The following PCDHA4 variants were observed in gnomAD, a reference collection of about 807,000 sequenced individuals.
PCDHA4 encodes the protein protocadherin alpha-4.
Under a neutral mutation model 61.4 loss-of-function variants are expected in PCDHA4, and 49 were observed. That is an observed-to-expected ratio of 0.80 (90% CI 0.63 to 1.01). The LOEUF (loss-of-function observed/expected upper bound fraction) is 1.01. PCDHA4 is among the 50% of genes least tolerant of loss of function. The pLI is 0.00. For missense variants in PCDHA4, 1,254 were observed against 1,235.8 expected, an observed-to-expected ratio of 1.01 and a Z score of -0.22; for synonymous variants, 590 against 550.3, an observed-to-expected ratio of 1.07 and a Z score of -1.01.
At chr5:140,964,213 A>G (rs1338010666) in intron 1 of PCDHA4, among the ~76,000 whole-genome samples, 10 of 152,210 alleles carry the variant, frequency 6.6e-5, no homozygotes, top group African/African-American at 1.9e-4. Flanking sequence ...CTTTAGTACA[A>G]TGTCTTTCAA....
At chr5:140,900,776 G>A (rs1407126944) in intron 1 of PCDHA4, among the ~76,000 whole-genome samples, 1 of 152,172 alleles carries the variant, frequency 6.6e-6, no homozygotes, top group Non-Finnish European at 1.5e-5. Flanking sequence ...GCTTTTTGAG[G>A]AAACTCCAAA....
In PCDHA4 at chr5:140,966,999, G is replaced by A. The variant is rs782081862; in HGVS notation, c.2386-11950G>A. 115 of 1,604,458 alleles carry A rather than the reference G, an allele frequency of 7.2e-5. No homozygotes were observed. The highest frequency in any genetic ancestry group is 8.8e-5 in the Non-Finnish European group (104 of 1,177,324). ...CGGCGCTTGGGGCCGGGTTGCTTGC[G>A]CATCAACCATCTGGGTGCGCCCAGT... On this transcript the variant is annotated intron_variant, in intron 1 of 3. Transcript: ENST00000530339.
chr5:140,835,535 G>A, intron 1 of PCDHA4: 3 of 1,613,958 alleles, frequency 1.9e-6, no homozygotes, highest in Non-Finnish European at 2.5e-6. Flanking sequence ...TCAACGGACA[G>A]GTTACCTGCT....
intron 1 of PCDHA4, chr5:140,969,220 G>A (rs2096308533): frequency 6.2e-7 from 1 of 1,614,084 alleles, no homozygotes; most frequent in African/African-American, 1.3e-5. Flanking sequence ...CAGGACCAGG[G>A]CCTTCGGGAG....
intron 1 of PCDHA4, among the ~76,000 whole-genome samples, chr5:140,840,447 C>T (rs1442089035): frequency 1.3e-5 from 2 of 151,740 alleles, no homozygotes; most frequent in East Asian, 1.9e-4. Flanking sequence ...GAAATAGAAA[C>T]GTTAAATAAA....
At chr5:140,912,897 G>T (rs782442093) in intron 1 of PCDHA4, among the ~76,000 whole-genome samples, 1 of 152,290 alleles carries the variant, frequency 6.6e-6, no homozygotes, top group East Asian at 1.9e-4. Context: ...TTGATATGAT[G>T]TATCATATTG....
intron 1 of PCDHA4, chr5:140,869,665 C>G: frequency 6.2e-7 from 1 of 1,613,338 alleles, no homozygotes; most frequent in Non-Finnish European, 8.5e-7. Flanking sequence ...AAATGGTAAG[C>G]AGATTAAAAG....
intron 3 of PCDHA4, among the ~76,000 whole-genome samples, chr5:141,006,484 A>T (rs1028996250): frequency 9.9e-5 from 15 of 152,130 alleles, no homozygotes; most frequent in Non-Finnish European, 7.4e-5. Flanking sequence ...AAGTGCTGGG[A>T]TTACATGTGT....
In PCDHA4 at chr5:140,884,801, A is replaced by AT. The variant is rs2060359948; in HGVS notation, c.2385+75229_2385+75230insT. 5 of 1,250,206 alleles carry AT rather than the reference A, an allele frequency of 4.0e-6. No individual in the cohort carries two copies. In the South Asian group the frequency reaches 8.8e-5, roughly 22 times the overall value. 77.4% of individuals were successfully genotyped at this position (1,250,206 alleles called of 1,614,324 possible). A position where few individuals can be genotyped will look rare whatever the true frequency, so the allele number is the denominator to read the frequency against. On this transcript the variant is annotated intron_variant, in intron 1 of 3. Coordinates refer to ENST00000530339, the MANE Select transcript of PCDHA4 (RefSeq NM_018907.4). ...TTTGCTAGTTGTTATCGAATTTAACAACTCTGCTGTGGACATTATGTGTTG... is the reference window on the plus strand; with the variant it reads ...TTTGCTAGTTGTTATCGAATTTAACATACTCTGCTGTGGACATTATGTGTTG...
intron 2 of PCDHA4, among the ~76,000 whole-genome samples, chr5:140,981,648 C>T (rs1294806137): frequency 6.6e-6 from 1 of 152,020 alleles, no homozygotes; most frequent in Non-Finnish European, 1.5e-5. Context: ...TCTTAGGATC[C>T]CACTTATTTC....
chr5:140,944,807 A>T (rs1472832230), intron 1 of PCDHA4, among the ~76,000 whole-genome samples: 1 of 152,214 alleles, frequency 6.6e-6, no homozygotes, highest in Non-Finnish European at 1.5e-5. Context: ...TCGAGGGTCC[A>T]CAGTGATCTT....
intron 1 of PCDHA4, among the ~76,000 whole-genome samples, chr5:140,899,105 T>G (rs2153462801): frequency 6.6e-6 from 1 of 152,160 alleles, no homozygotes; most frequent in Non-Finnish European, 1.5e-5. Flanking sequence ...GATAATGGGG[T>G]TTTCTAGATA....
rs2150220427 is a variant in PCDHA4 at position 140,834,530 on chromosome 5, G to T, written c.2385+24958G>T. 6.8e-6 allele frequency: 11 copies of T among 1,614,068 alleles called. No individual in the cohort carries two copies. In the South Asian group the frequency reaches 1.1e-4, roughly 16 times the overall value. ...ATGGCAACTTCGTGGGCCGCATCGC[G>T]CAGGACCTGGGGCTGGAGCTGGCGG... is the stretch of plus-strand genomic sequence containing the variant. On this transcript the variant is annotated intron_variant, in intron 1 of 3. Coordinates refer to ENST00000530339, the MANE Select transcript of PCDHA4 (RefSeq NM_018907.4).
In PCDHA4 at chr5:140,870,216, C is replaced by G. The variant is rs1554163914; in HGVS notation, c.2385+60644C>G. On this transcript the variant is annotated intron_variant, in intron 1 of 3. Transcript: ENST00000530339. Reference sequence around the variant, plus strand: ...AGCCCAGCACGGTCATTGCCCTGATCAGCGTGTCTGACCGTGACTCAGGTG... The same window carrying G: ...AGCCCAGCACGGTCATTGCCCTGATGAGCGTGTCTGACCGTGACTCAGGTG... 3 of 1,614,070 alleles carry G rather than the reference C, an allele frequency of 1.9e-6. No homozygotes were observed. Among genetic ancestry groups the G allele is most frequent in the Admixed American group, 3.3e-5 (2 of 60,012 alleles).
chr5:140,973,493 C>T (rs1050229284), intron 1 of PCDHA4, among the ~76,000 whole-genome samples: 1 of 152,116 alleles, frequency 6.6e-6, no homozygotes, highest in African/African-American at 2.4e-5. Context: ...TCACAGGACT[C>T]TTCTTCTGAG....
chr5:140,870,919 C>T (rs1562653740), intron 1 of PCDHA4: 1 of 1,613,952 alleles, frequency 6.2e-7, no homozygotes, highest in Non-Finnish European at 8.5e-7. Context: ...CAACGCGTGG[C>T]TTTCATATGA....
intron 1 of PCDHA4, among the ~76,000 whole-genome samples, chr5:140,911,647 G>A (rs1554194849): frequency 2.0e-5 from 3 of 152,160 alleles, no homozygotes; most frequent in African/African-American, 7.2e-5. Flanking sequence ...ATTACATATA[G>A]AGTTACTAAA....
chr5:140,946,298 G>A (rs1670826449), intron 1 of PCDHA4, among the ~76,000 whole-genome samples: 1 of 151,840 alleles, frequency 6.6e-6, no homozygotes, highest in Admixed American at 6.6e-5. Flanking sequence ...CCTCACACCT[G>A]GTAGAATGGC....
intron 1 of PCDHA4, chr5:140,848,580 G>A: frequency 6.3e-7 from 1 of 1,595,144 alleles, no homozygotes; most frequent in Non-Finnish European, 8.6e-7. Flanking sequence ...GGTGGGGAGC[G>A]GCCAGCTCCA....
Sources: gnomAD v4.1 joint callset for allele counts (sites outside exome capture counted in the v4.1 genomes callset) on GRCh38, gnomAD v4.1.1 for gene constraint, MANE v1.5 for transcripts, NCBI Gene and HGNC (gene_info 2026-07-23, HGNC 2026-07-21) for gene names.